The following SHISA9 variants were observed in gnomAD, a reference collection of about 807,000 sequenced individuals.
SHISA9 encodes the protein protein shisa-9.
Under a neutral mutation model 38.0 loss-of-function variants are expected in SHISA9, and 13 were observed. The observed-to-expected ratio is 0.34, with a 90% CI of 0.22 to 0.54. The LOEUF is 0.54. SHISA9 is among the 20% of genes least tolerant of loss of function. The pLI, the probability that SHISA9 is intolerant of heterozygous loss-of-function variation, is 0.91. For synonymous variants in SHISA9, 275 were observed against 242.0 expected, an observed-to-expected ratio of 1.14 and a Z score of -1.27; for missense variants, 538 against 575.8, an observed-to-expected ratio of 0.93 and a Z score of 0.67.
intron 2 of SHISA9, among the ~76,000 whole-genome samples, chr16:13,145,303 T>C (rs1251554089): frequency 6.6e-6 from 1 of 152,106 alleles, no homozygotes; most frequent in African/African-American, 2.4e-5. Flanking sequence ...GATGGGTGGA[T>C]CAGTTCAGGT....
the SHISA9 span, among the ~76,000 whole-genome samples, chr16:13,396,327 C>T: frequency 1.3e-5 from 2 of 152,120 alleles, no homozygotes; most frequent in Admixed American, 6.5e-5. Flanking sequence ...GCCAACATGG[C>T]GAAACCCCAT....
At chr16:13,055,189 C>G (rs1194680029) in intron 2 of SHISA9, among the ~76,000 whole-genome samples, 2 of 152,158 alleles carry the variant, frequency 1.3e-5, no homozygotes, top group East Asian at 3.8e-4. Context: ...AGATAGGGAA[C>G]TGTGATTATG....
chr16:12,913,703 T>C (rs1036918178), intron 1 of SHISA9, among the ~76,000 whole-genome samples: 1 of 152,218 alleles, frequency 6.6e-6, no homozygotes, highest in Non-Finnish European at 1.5e-5. Context: ...ACCATGAATC[T>C]ACTTTCCATC....
At chr16:12,922,351 G>T (rs1227091705) in intron 2 of SHISA9, among the ~76,000 whole-genome samples, 1 of 152,096 alleles carries the variant, frequency 6.6e-6, no homozygotes, top group African/African-American at 2.4e-5. Flanking sequence ...GCTCTATTCT[G>T]CCCCAGGGGC....
chr16:13,525,568 A>G, the SHISA9 span, among the ~76,000 whole-genome samples: 1 of 152,170 alleles, frequency 6.6e-6, no homozygotes, highest in South Asian at 2.1e-4. Context: ...ATCACCCTCA[A>G]AACACATTAC....
At chr16:13,561,198 A>G in the SHISA9 span, among the ~76,000 whole-genome samples, 1 of 152,110 alleles carries the variant, frequency 6.6e-6, no homozygotes, top group East Asian at 1.9e-4. Flanking sequence ...TATGTACACT[A>G]GGGACAGAAA....
chr16:13,326,147 CAG>C, the SHISA9 span, among the ~76,000 whole-genome samples: 66 of 151,946 alleles, frequency 4.3e-4, no homozygotes, highest in Non-Finnish European at 8.2e-4. Flanking sequence ...AATAATCAGA[CAG>C]AGAGAGAAAA....
intron 2 of SHISA9, among the ~76,000 whole-genome samples, chr16:13,155,585 GT>G (rs2050537190): frequency 7.3e-6 from 1 of 136,872 alleles, no homozygotes; most frequent in African/African-American, 2.7e-5. Flanking sequence ...TTGTTTGTGT[GT>G]GTGGTGTGTG....
At chr16:13,277,538 A>T in the SHISA9 span, among the ~76,000 whole-genome samples, 2 of 151,652 alleles carry the variant, frequency 1.3e-5, no homozygotes, top group East Asian at 3.9e-4. Flanking sequence ...TTTTGATTCT[A>T]CCCATTCATG....
intron 2 of SHISA9, among the ~76,000 whole-genome samples, chr16:12,948,487 C>T (rs2071714543): frequency 6.6e-6 from 1 of 152,194 alleles, no homozygotes; most frequent in Admixed American, 6.5e-5. Flanking sequence ...TAACAAAATA[C>T]CATGATTGAG....
chr16:13,273,847 G>A, the SHISA9 span, among the ~76,000 whole-genome samples: 1 of 152,112 alleles, frequency 6.6e-6, no homozygotes, highest in Non-Finnish European at 1.5e-5. Context: ...AGATTTTCAT[G>A]AATTATCAAA....
chr16:12,992,538 A>C (rs1172941457), intron 2 of SHISA9, among the ~76,000 whole-genome samples: 2 of 151,980 alleles, frequency 1.3e-5, no homozygotes, highest in Admixed American at 1.3e-4. Flanking sequence ...TCTCAAAACA[A>C]AAACAAAAAC....
chr16:13,168,236 G>T (rs2142018508), intron 2 of SHISA9, among the ~76,000 whole-genome samples: 1 of 152,352 alleles, frequency 6.6e-6, no homozygotes, highest in South Asian at 2.1e-4. Flanking sequence ...CCCAGGGCCA[G>T]TGATTAAGAT....
chr16:13,004,952 A>AAAAAG, intron 2 of SHISA9, among the ~76,000 whole-genome samples: 1 of 75,848 alleles, frequency 1.3e-5, no homozygotes, highest in Admixed American at 1.4e-4. Flanking sequence ...AGAAAAAAAA[A>AAAAAG]AAAAAAGAAA....
At chr16:12,904,016 G>A (rs1399120648) in intron 1 of SHISA9, among the ~76,000 whole-genome samples, 1 of 152,128 alleles carries the variant, frequency 6.6e-6, no homozygotes, top group Non-Finnish European at 1.5e-5. Flanking sequence ...TCAGCAGGGA[G>A]CTGTGGGTGG....
chr16:13,047,687 A>G (rs1352571101), intron 2 of SHISA9, among the ~76,000 whole-genome samples: 2 of 152,158 alleles, frequency 1.3e-5, no homozygotes, highest in Non-Finnish European at 2.9e-5. Context: ...ACATCTATCA[A>G]GTACCTCCCG....
At chr16:13,482,866 T>G in the SHISA9 span, among the ~76,000 whole-genome samples, 16 of 149,924 alleles carry the variant, frequency 1.1e-4, no homozygotes, top group Middle Eastern at 7.1e-3. Flanking sequence ...GAGCAGATCC[T>G]CCAACCTAGA....
intron 2 of SHISA9, among the ~76,000 whole-genome samples, chr16:12,963,498 G>A (rs1267469510): frequency 6.6e-6 from 1 of 152,208 alleles, no homozygotes; most frequent in Non-Finnish European, 1.5e-5. Flanking sequence ...TGGAGAGAAA[G>A]ATTGTTCAGT....
chr16:12,990,840 G>A (rs970517303), intron 2 of SHISA9, among the ~76,000 whole-genome samples: 6 of 152,290 alleles, frequency 3.9e-5, no homozygotes, highest in East Asian at 1.9e-4. Flanking sequence ...ACATCTCTGC[G>A]CATTAAACCA....
Sources: gnomAD v4.1 joint callset for allele counts (sites outside exome capture counted in the v4.1 genomes callset) on GRCh38, gnomAD v4.1.1 for gene constraint, MANE v1.5 for transcripts, NCBI Gene and HGNC (gene_info 2026-07-23, HGNC 2026-07-21) for gene names.